AMOTL1: variants seen among roughly 807,000 people sequenced by gnomAD.
AMOTL1 encodes angiomotin like 1.
AMOTL1 carries 45 observed loss-of-function variants against 102.9 expected under a neutral mutation model. The ratio of observed to expected loss-of-function variants is 0.44; its 90% CI spans 0.34 to 0.56. The LOEUF (loss-of-function observed/expected upper bound fraction) is 0.56, where lower values mean the gene tolerates loss of function less well. Among genes scored for constraint, AMOTL1 ranks in the 20% least tolerant of loss-of-function variants. AMOTL1 has a pLI of 0.01. For missense variants in AMOTL1, 1,114 were observed against 1,225.6 expected, an observed-to-expected ratio of 0.91 and a Z score of 1.36; for synonymous variants, 481 against 484.7, an observed-to-expected ratio of 0.99 and a Z score of 0.10.
intron 1 of AMOTL1, among the ~76,000 whole-genome samples, chr11:94,771,988 A>G (rs1565346071): frequency 6.6e-6 from 1 of 151,988 alleles, no homozygotes; most frequent in African/African-American, 2.4e-5. Context: ...ATATACCTCT[A>G]TTTTTTCATT....
intron 6 of AMOTL1, among the ~76,000 whole-genome samples, chr11:94,842,287 C>T (rs2135691104): frequency 6.6e-6 from 1 of 152,212 alleles, no homozygotes; most frequent in African/African-American, 2.4e-5. Flanking sequence ...GTGAAGAGAG[C>T]TTAGTCACTA....
chr11:94,775,810 T>C lies in AMOTL1; in HGVS notation c.49+7250T>C, dbSNP rs545069831. ...TGAATGAAATGTACCACATCTCCCT[T>C]GGAGGGCTGGTATGAACTGATTGGG... On this transcript the variant is annotated intron_variant, in intron 1 of 12. Coordinates refer to ENST00000433060, the MANE Select transcript of AMOTL1 (RefSeq NM_130847.3). 2.6e-5 allele frequency among the ~76,000 whole-genome samples: 4 copies of C among 152,306 alleles called. 1 individual carries two copies. In the South Asian group the frequency reaches 8.3e-4, roughly 32 times the overall value.
intron 1 of AMOTL1, among the ~76,000 whole-genome samples, chr11:94,771,259 T>TGGGGGGGGTGGGG (rs1950945415): frequency 1.0e-5 from 1 of 96,866 alleles, no homozygotes; most frequent in Non-Finnish European, 2.1e-5. Flanking sequence ...TTGGCGGGGT[T>TGGGGGGGGTGGGG]GGGGGGGGGG....
In AMOTL1 at chr11:94,859,672, C is replaced by A. The variant is rs752756402; in HGVS notation, c.2092C>A (p.Arg698=). The change falls in exon 9 of 13, where the codon CGA becomes AGA. Residue 698 remains arginine, a synonymous_variant. Coordinates refer to ENST00000433060, the MANE Select transcript of AMOTL1 (RefSeq NM_130847.3). ...GAAGTACCTGGAGGAGAGCACCATC[C>A]GACACTTTGCCATGAATGCCGCAGC... ...EQKYLEESTI[R]HFAMNAAATA... 1.7e-5 allele frequency: 28 copies of A among 1,612,254 alleles called. No individual in the cohort carries two copies. Among genetic ancestry groups the A allele is most frequent in the Non-Finnish European group, 2.3e-5 (27 of 1,179,198 alleles).
At chr11:94,751,044 G>A (rs1950647308) in intron 3 of AMOTL1, among the ~76,000 whole-genome samples, 1 of 151,986 alleles carries the variant, frequency 6.6e-6, no homozygotes. Context: ...TCTGGCTCCA[G>A]AGCCAGTTTC....
chr11:94,754,752 C>G (rs938135892), intron 3 of AMOTL1, among the ~76,000 whole-genome samples: 1 of 152,036 alleles, frequency 6.6e-6, no homozygotes, highest in African/African-American at 2.4e-5. Flanking sequence ...TGGTATTTGC[C>G]AGACTTAGGA....
intron 9 of AMOTL1, among the ~76,000 whole-genome samples, chr11:94,862,987 G>A (rs1010504808): frequency 7.9e-5 from 12 of 152,256 alleles, no homozygotes; most frequent in African/African-American, 2.2e-4. Context: ...AAAGACATAT[G>A]AAACTTGCAG....
intron 11 of AMOTL1, among the ~76,000 whole-genome samples, chr11:94,867,856 A>T (rs1287026113): frequency 6.6e-6 from 1 of 152,032 alleles, no homozygotes; most frequent in Non-Finnish European, 1.5e-5. Context: ...CATAGGTTGG[A>T]CTCCAAGTCA....
At chr11:94,736,254 T>G (rs971328301) in intron 2 of AMOTL1, among the ~76,000 whole-genome samples, 2 of 152,168 alleles carry the variant, frequency 1.3e-5, no homozygotes, top group Admixed American at 6.5e-5. Flanking sequence ...CATTTATTTA[T>G]GTATGTATGT....
At position 94,768,414 on chromosome 11, in the gene AMOTL1, G is replaced by C. The variant is rs1473339688; in HGVS notation, c.-98G>C. 1.3e-6 allele frequency: 2 copies of C among 1,535,132 alleles called. No homozygotes were observed. Among genetic ancestry groups the C allele is most frequent in the African/African-American group, 1.4e-5 (1 of 72,810 alleles). ...TGTCGGGTTTGGGGCTGGAGGTGAAGCCCTGTGTGAATGGGGTTGATTGTC... is the reference window on the plus strand; with the variant it reads ...TGTCGGGTTTGGGGCTGGAGGTGAACCCCTGTGTGAATGGGGTTGATTGTC... On this transcript the variant is annotated 5_prime_UTR_variant, in exon 1 of 13. Transcript: ENST00000433060.
At chr11:94,769,848 A>C (rs927446810) in intron 1 of AMOTL1, among the ~76,000 whole-genome samples, 1 of 152,070 alleles carries the variant, frequency 6.6e-6, no homozygotes, top group African/African-American at 2.4e-5. Context: ...TGTACTGCTT[A>C]TAGAAGGCCT....
intron 1 of AMOTL1, among the ~76,000 whole-genome samples, chr11:94,779,829 A>C (rs1565348663): frequency 6.7e-6 from 1 of 149,508 alleles, no homozygotes; most frequent in Non-Finnish European, 1.5e-5. Flanking sequence ...AATATTACAC[A>C]TTATATACCT....
chr11:94,730,256 C>A (rs746153382), intron 2 of AMOTL1, among the ~76,000 whole-genome samples: 2 of 152,166 alleles, frequency 1.3e-5, no homozygotes, highest in Non-Finnish European at 2.9e-5. Context: ...TAATAGCAAC[C>A]CCCTCCTTCT....
intron 3 of AMOTL1, among the ~76,000 whole-genome samples, chr11:94,745,208 C>T (rs776835046): frequency 6.6e-6 from 1 of 151,102 alleles, no homozygotes; most frequent in African/African-American, 2.4e-5. Flanking sequence ...CCCCATCCCC[C>T]ATACATTATG....
intron 3 of AMOTL1, among the ~76,000 whole-genome samples, chr11:94,753,963 A>G (rs965149762): frequency 6.6e-6 from 1 of 152,190 alleles, no homozygotes; most frequent in Non-Finnish European, 1.5e-5. Context: ...TACAACGTGG[A>G]GTTCTAGCTC....
At position 94,761,193 on chromosome 11, in the gene AMOTL1, C is replaced by CT. The variant is rs57096553; in HGVS notation, c.136+20219dup. On this transcript the variant is annotated intron_variant, in intron 3 of 4. Transcript: ENST00000299004. ...ACTTAATTTTTTTCTTTTTTCTTTT[C>CT]TTTTTTTTTTTTTTAGACAGAGTCT... 4.2e-3 allele frequency among the ~76,000 whole-genome samples: 569 copies of CT among 136,994 alleles called. 19 individuals are homozygous for CT. The highest frequency in any genetic ancestry group is 9.4e-3 in the South Asian group (41 of 4,362). 89.9% of individuals were successfully genotyped at this position (136,994 alleles called of 152,430 possible). A position where few individuals can be genotyped will look rare whatever the true frequency, so the allele number is the denominator to read the frequency against.
rs1952979481 is a variant in AMOTL1 at position 94,870,680 on chromosome 11, A to G, written c.2765-9A>G. The stretch of plus-strand genomic sequence containing the variant: ...AATGGGCAGCTGATGTTTCCCCTCT[A>G]TTTGGCAGAGAACTCTCCTGGCCAT... On this transcript the variant is annotated splice_polypyrimidine_tract_variant and intron_variant, in intron 12 of 12. Transcript: ENST00000433060. 2 of 1,586,246 alleles carry G rather than the reference A, an allele frequency of 1.3e-6. No individual in the cohort carries two copies. The highest frequency in any genetic ancestry group is 8.6e-7 in the Non-Finnish European group (1 of 1,164,470).
In AMOTL1 at chr11:94,809,302, C is replaced by T. The variant is rs189577741; in HGVS notation, c.1121+8991C>T. Among the ~76,000 whole-genome samples the T allele has an allele frequency of 2.8e-3, 423 of 152,182 alleles. 4 individuals are homozygous for T. Among genetic ancestry groups the T allele is most frequent in the African/African-American group, 9.7e-3 (404 of 41,508 alleles). ...CTTCAAGTTCTGATGTCTGTTTTAC[C>T]CTTAGAGTACATCTCAGTTCAGACT... On this transcript the variant is annotated intron_variant, in intron 3 of 12. Transcript: ENST00000433060.
At chr11:94,751,926 T>C (rs530756469) in intron 3 of AMOTL1, among the ~76,000 whole-genome samples, 55 of 152,146 alleles carry the variant, frequency 3.6e-4, no homozygotes, top group South Asian at 8.3e-4. Flanking sequence ...CAAGCGTGAC[T>C]CCCCAGAAAC....
Sources: allele counts gnomAD v4.1 joint callset (sites outside exome capture counted in the v4.1 genomes callset), GRCh38; gene constraint gnomAD v4.1.1; transcripts MANE v1.5; gene names NCBI Gene and HGNC (gene_info 2026-07-23, HGNC 2026-07-21).